The following GRIN2B variants were observed in gnomAD, a reference collection of about 807,000 sequenced individuals.
The protein encoded by GRIN2B is glutamate receptor ionotropic, NMDA 2B.
A neutral mutation model predicts 114.5 loss-of-function variants in GRIN2B; 5 were observed. The ratio of observed to expected loss-of-function variants is 0.04; its 90% CI spans 0.02 to 0.09. The LOEUF (loss-of-function observed/expected upper bound fraction) is 0.09. GRIN2B is among the 10% of genes least tolerant of loss of function. The pLI, the probability that GRIN2B is intolerant of heterozygous loss-of-function variation, is 1.00. For synonymous variants in GRIN2B, 787 were observed against 745.1 expected, an observed-to-expected ratio of 1.06 and a Z score of -0.92; for missense variants, 1,108 against 1,943.5, an observed-to-expected ratio of 0.57 and a Z score of 8.08.
chr12:13,620,893 A>AC lies in GRIN2B; in HGVS notation c.1126-4237_1126-4236insG, dbSNP rs569339830. On this transcript the variant is annotated intron_variant, in intron 5 of 13. Coordinates refer to ENST00000609686, the MANE Select transcript of GRIN2B (RefSeq NM_000834.5). The stretch of plus-strand genomic sequence containing the variant: ...TTTTTTTTTTCGTTTCTTCAAGGAA[A>AC]TGAAAAAAAAATAAGAGGGAAAGTT... Among the ~76,000 whole-genome samples, 29 of 151,930 alleles carry AC rather than the reference A, an allele frequency of 1.9e-4. No individual in the cohort carries two copies. The East Asian group carries it at 3.3e-3, about 17-fold the overall frequency.
rs1865644717 is a variant in GRIN2B, at chr12:13,855,490, C to T, written c.411+10308G>A. On this transcript the variant is annotated intron_variant, in intron 3 of 13. Transcript: ENST00000609686. ...AACAGAAATGTATTCTCTCACAGTT[C>T]TGAAGGCCAGAAACCTAAAATCAAG... is the stretch of plus-strand genomic sequence containing the variant. 3.3e-5 allele frequency among the ~76,000 whole-genome samples: 5 copies of T among 152,154 alleles called. No homozygotes were observed. In the South Asian group the frequency reaches 1.0e-3, roughly 31 times the overall value.
intron 3 of GRIN2B, among the ~76,000 whole-genome samples, chr12:13,808,748 A>ATATATATATATATATATATATATATAT (rs1388525573): frequency 1.1e-4 from 12 of 110,280 alleles, no homozygotes; most frequent in African/African-American, 2.3e-4. Context: ...TATAATAAAA[A>ATATATATATATATATATATATATATAT]AAAAATATAT....
intron 10 of GRIN2B, among the ~76,000 whole-genome samples, chr12:13,606,768 G>A (rs1037354214): frequency 6.6e-5 from 10 of 152,182 alleles, no homozygotes; most frequent in East Asian, 5.8e-4. Context: ...AGTTAGGGTC[G>A]TGATGAAAGA....
intron 4 of GRIN2B, among the ~76,000 whole-genome samples, chr12:13,680,522 T>A (rs1467303299): frequency 1.3e-5 from 2 of 151,536 alleles, no homozygotes; most frequent in African/African-American, 4.9e-5. Context: ...GAATGTAGTT[T>A]GAACCTTAAG....
At chr12:13,968,080 C>T (rs941742527) in intron 2 of GRIN2B, among the ~76,000 whole-genome samples, 2 of 152,186 alleles carry the variant, frequency 1.3e-5, no homozygotes, top group African/African-American at 4.8e-5. Flanking sequence ...GAAAGAGAAC[C>T]TGGGAAGGAG....
At chr12:13,830,703 A>G (rs763157030) in intron 3 of GRIN2B, among the ~76,000 whole-genome samples, 2 of 152,256 alleles carry the variant, frequency 1.3e-5, no homozygotes, top group Non-Finnish European at 2.9e-5. Flanking sequence ...AGCATCAGGC[A>G]TACATACAGA....
At chr12:13,789,984 A>C (rs1182201756) in intron 3 of GRIN2B, among the ~76,000 whole-genome samples, 1 of 152,186 alleles carries the variant, frequency 6.6e-6, no homozygotes, top group Admixed American at 6.5e-5. Context: ...ATGAGTTGAA[A>C]GCATCCTTAC....
chr12:13,855,444 G>A (rs2136733228), intron 3 of GRIN2B, among the ~76,000 whole-genome samples: 1 of 152,262 alleles, frequency 6.6e-6, no homozygotes, highest in East Asian at 1.9e-4. Context: ...TAAGGCTGCA[G>A]AAGACTCGGG....
intron 10 of GRIN2B, among the ~76,000 whole-genome samples, chr12:13,575,667 TAACAAC>T (rs757070562): frequency 1.1e-4 from 16 of 146,634 alleles, no homozygotes; most frequent in African/African-American, 3.9e-4. Flanking sequence ...TCCAAAATGA[TAACAAC>T]AATAATAATA....
chr12:13,742,530 A>G (rs1374209329), intron 4 of GRIN2B, among the ~76,000 whole-genome samples: 1 of 152,166 alleles, frequency 6.6e-6, no homozygotes, highest in African/African-American at 2.4e-5. Flanking sequence ...TCCCAGGTTC[A>G]AGTGATTCTC....
chr12:13,712,178 A>G (rs1480682500), intron 4 of GRIN2B, among the ~76,000 whole-genome samples: 1 of 147,638 alleles, frequency 6.8e-6, no homozygotes, highest in Non-Finnish European at 1.5e-5. Context: ...GAATTGAACA[A>G]TGAGAACACA....
intron 2 of GRIN2B, among the ~76,000 whole-genome samples, chr12:13,941,449 A>G (rs1468222711): frequency 2.0e-5 from 3 of 152,158 alleles, no homozygotes; most frequent in Non-Finnish European, 1.5e-5. Context: ...AAAAATCACA[A>G]TGATGCTCTG....
At position 13,966,257 on chromosome 12, in the gene GRIN2B, A is replaced by C. The variant is rs112377416; in HGVS notation, c.-19+13671T>G. Among the ~76,000 whole-genome samples, 553 of 152,362 alleles carry C rather than the reference A, an allele frequency of 3.6e-3. 4 individuals carry two copies. Among genetic ancestry groups the C allele is most frequent in the African/African-American group, 0.013 (537 of 41,588 alleles). On this transcript the variant is annotated intron_variant, in intron 2 of 13. Transcript: ENST00000609686. ...GGAAGACAGTATATATGAGAAAGCT[A>C]TTGACACACTATCAAGCTTTAGAAA...
chr12:13,813,383 G>T (rs1460457482), intron 3 of GRIN2B, among the ~76,000 whole-genome samples: 1 of 152,130 alleles, frequency 6.6e-6, no homozygotes, highest in Non-Finnish European at 1.5e-5. Flanking sequence ...GATGGCAAAG[G>T]AAGCATGTGA....
At chr12:13,966,698 G>A (rs1001918308) in intron 2 of GRIN2B, among the ~76,000 whole-genome samples, 5 of 152,136 alleles carry the variant, frequency 3.3e-5, no homozygotes, top group Admixed American at 6.5e-5. Context: ...AGCTCTGATC[G>A]AATACCTAGT....
intron 2 of GRIN2B, among the ~76,000 whole-genome samples, chr12:13,904,499 T>G (rs1866506658): frequency 6.6e-6 from 1 of 152,118 alleles, no homozygotes; most frequent in Non-Finnish European, 1.5e-5. Context: ...ATTGCATCAC[T>G]ATTAGTCATC....
At chr12:13,580,056 C>T (rs1948826638) in intron 10 of GRIN2B, among the ~76,000 whole-genome samples, 1 of 152,144 alleles carries the variant, frequency 6.6e-6, no homozygotes, top group Admixed American at 6.5e-5. Flanking sequence ...GTCCTGGCAC[C>T]AGGAGAGGAG....
chr12:13,947,271 C>A (rs1867378647), intron 2 of GRIN2B, among the ~76,000 whole-genome samples: 1 of 152,156 alleles, frequency 6.6e-6, no homozygotes, highest in African/African-American at 2.4e-5. Context: ...ACGTATGTAT[C>A]CCCTCACTGT....
chr12:13,941,151 G>A (rs1591633149), intron 2 of GRIN2B, among the ~76,000 whole-genome samples: 1 of 152,232 alleles, frequency 6.6e-6, no homozygotes, highest in South Asian at 2.1e-4. Context: ...GTGGCCGTTG[G>A]ATAGAGCTGG....
Sources: allele counts gnomAD v4.1 joint callset (sites outside exome capture counted in the v4.1 genomes callset), GRCh38; gene constraint gnomAD v4.1.1; transcripts MANE v1.5; gene names NCBI Gene and HGNC (gene_info 2026-07-23, HGNC 2026-07-21).